POMGNT2: variants seen among roughly 807,000 people sequenced by gnomAD.
POMGNT2 encodes protein O-linked-mannose beta-1,4-N-acetylglucosaminyltransferase 2.
Under a neutral mutation model 37.8 loss-of-function variants are expected in POMGNT2, and 32 were observed. The ratio of observed to expected loss-of-function variants is 0.85; its 90% confidence interval spans 0.64 to 1.14. The LOEUF is 1.14. Ranked by LOEUF, POMGNT2 falls within the 50% of genes most tolerant of loss-of-function variation. The pLI, the probability that POMGNT2 is intolerant of heterozygous loss-of-function variation, is 0.00. For missense variants in POMGNT2, 705 were observed against 780.6 expected, an observed-to-expected ratio of 0.90 and a Z score of 1.15; for synonymous variants, 340 against 336.8, an observed-to-expected ratio of 1.01 and a Z score of -0.10.
intron 1 of POMGNT2, among the ~76,000 whole-genome samples, chr3:43,103,286 T>C (rs2090032795): frequency 6.6e-6 from 1 of 152,072 alleles, no homozygotes; most frequent in Admixed American, 6.5e-5. Context: ...TTCTCCTCCC[T>C]TATCCACAGC....
chr3:43,095,000 C>T (rs764617201), intron 1 of POMGNT2, among the ~76,000 whole-genome samples: 16 of 152,330 alleles, frequency 1.1e-4, no homozygotes, highest in South Asian at 6.2e-4. Context: ...GCTCCTGCTG[C>T]GTCTCAGTGC....
At chr3:43,089,856 G>T (rs192868843) in intron 1 of POMGNT2, among the ~76,000 whole-genome samples, 1 of 152,228 alleles carries the variant, frequency 6.6e-6, no homozygotes, top group East Asian at 1.9e-4. Context: ...TAAAGTCACA[G>T]CTATGTTGAG....
At chr3:43,096,434 A>G (rs567230810) in intron 1 of POMGNT2, among the ~76,000 whole-genome samples, 6 of 152,364 alleles carry the variant, frequency 3.9e-5, no homozygotes, top group Non-Finnish European at 5.9e-5. Context: ...TAAGAGGCTA[A>G]CACTATTTCT....
At chr3:43,096,258 C>A (rs2089979313) in intron 1 of POMGNT2, among the ~76,000 whole-genome samples, 1 of 152,134 alleles carries the variant, frequency 6.6e-6, no homozygotes, top group African/African-American at 2.4e-5. Context: ...ACCAAGGATC[C>A]AATCGGCACC....
Position 43,080,140 on chromosome 3 carries a change from A to G in POMGNT2, c.1292T>C (p.Val431Ala), listed in dbSNP as rs770918367. Residue 431 changes from valine (V) to alanine (A), a missense_variant, in exon 2 of 2, where the codon GTC becomes GCC. Val to Ala is a moderately conservative substitution (Grantham distance 64). Transcript: ENST00000344697. ...EQARILQSRE[V>A]PRHLCCRNPE... The stretch of plus-strand genomic sequence containing the variant: ...GTTCCGGCAACAGAGATGCCGTGGG[A>G]CCTCACGGCTTTGCAGGATACGGGC... The G allele has an allele frequency of 2.5e-6, 4 of 1,613,682 alleles. No individual in the cohort carries two copies. The highest frequency in any genetic ancestry group is 3.4e-6 in the Non-Finnish European group (4 of 1,179,900).
At chr3:43,083,386 C>T (rs1158771394) in intron 1 of POMGNT2, among the ~76,000 whole-genome samples, 2 of 152,216 alleles carry the variant, frequency 1.3e-5, no homozygotes, top group Non-Finnish European at 2.9e-5. Flanking sequence ...GGAGTAGTTG[C>T]TAAATAAAAA....
rs570045856 is a variant in POMGNT2, at chr3:43,103,615, G to A, written c.-106+2221C>T. Among the ~76,000 whole-genome samples, 34 of 152,246 alleles carry A rather than the reference G, an allele frequency of 2.2e-4. No homozygotes were observed. The South Asian group carries it at 6.8e-3, about 31-fold the overall frequency. On this transcript the variant is annotated intron_variant, in intron 1 of 1. Transcript: ENST00000344697. ...AGAGGAAACACACAGCCAGGCTGCA[G>A]GGTCCTGCCTCTGACCCACTTGGTG...
At chr3:43,086,096 T>G (rs534209057) in intron 1 of POMGNT2, among the ~76,000 whole-genome samples, 1 of 152,336 alleles carries the variant, frequency 6.6e-6, no homozygotes, top group African/African-American at 2.4e-5. Flanking sequence ...GAACCTGAGG[T>G]ATCCTTGGCA....
In POMGNT2 at chr3:43,092,783, TAAAAA is replaced by T. The variant is rs2089953429; in HGVS notation, c.-105-11252_-105-11248del. Among the ~76,000 whole-genome samples the T allele has an allele frequency of 4.6e-5, 7 of 152,230 alleles. No individual in the cohort carries two copies. The South Asian group carries it at 1.2e-3, about 27-fold the overall frequency. On this transcript the variant is annotated intron_variant, in intron 1 of 1. Transcript: ENST00000344697. ...TGTTTACTTGACAAAATAAATAAGT[TAAAAA>T]GGAAACAGTAAAGAATTAAAGAAAT...
At chr3:43,090,788 T>A (rs1353936756) in intron 1 of POMGNT2, among the ~76,000 whole-genome samples, 1 of 152,128 alleles carries the variant, frequency 6.6e-6, no homozygotes, top group Admixed American at 6.5e-5. Flanking sequence ...AGCTCAGATC[T>A]AGACCAGGGA....
At chr3:43,104,147 T>C (rs967305593) in intron 1 of POMGNT2, among the ~76,000 whole-genome samples, 1 of 152,144 alleles carries the variant, frequency 6.6e-6, no homozygotes, top group Non-Finnish European at 1.5e-5. Context: ...TACACAGCAA[T>C]TAAGTAGAGG....
At position 43,079,938 on chromosome 3, in the gene POMGNT2, G is replaced by A. The variant is rs751826847; in HGVS notation, c.1494C>T (p.Ser498=). 10 of 1,613,858 alleles carry A rather than the reference G, an allele frequency of 6.2e-6. No homozygotes were observed. The highest frequency in any genetic ancestry group is 4.5e-5 in the East Asian group (2 of 44,884). The change falls in exon 2 of 2, where the codon TCC becomes TCT. Residue 498 remains serine, a synonymous_variant. Coordinates refer to ENST00000344697, the MANE Select transcript of POMGNT2 (RefSeq NM_032806.6). ...GCCAGGAGACAGTGAGGCGGGCCTCGGAGGCGCCATGCACTGACGCCTGGC... is the reference window on the plus strand; with the variant it reads ...GCCAGGAGACAGTGAGGCGGGCCTCAGAGGCGCCATGCACTGACGCCTGGC... The part of the protein sequence containing the change: ...ARCQASVHGA[S]EARLTVSWQI...
At chr3:43,100,306 A>C (rs751368951) in intron 1 of POMGNT2, among the ~76,000 whole-genome samples, 3 of 152,270 alleles carry the variant, frequency 2.0e-5, no homozygotes, top group African/African-American at 4.8e-5. Flanking sequence ...ACAACTATTT[A>C]CATAGCATTT....
At chr3:43,087,683 T>G (rs1301123097) in intron 1 of POMGNT2, 1 of 152,242 alleles carries the variant, frequency 6.6e-6, no homozygotes, top group Non-Finnish European at 1.5e-5. Flanking sequence ...GCCAACTCCA[T>G]ACATTAGTTT....
chr3:43,101,498 T>C (rs541082347), intron 1 of POMGNT2, among the ~76,000 whole-genome samples: 17 of 152,294 alleles, frequency 1.1e-4, no homozygotes, highest in Admixed American at 9.8e-4. Flanking sequence ...GTTGTAGCAG[T>C]ATCACCTGGG....
At chr3:43,084,802 T>C (rs1575465293) in intron 1 of POMGNT2, among the ~76,000 whole-genome samples, 1 of 152,360 alleles carries the variant, frequency 6.6e-6, no homozygotes, top group East Asian at 1.9e-4. Flanking sequence ...TTATTCCTGA[T>C]TGAGCCCATT....
chr3:43,084,094 C>T (rs1468505312), intron 1 of POMGNT2, among the ~76,000 whole-genome samples: 1 of 152,128 alleles, frequency 6.6e-6, no homozygotes, highest in African/African-American at 2.4e-5. Context: ...TGCTACCCTT[C>T]GAATTGTTTT....
intron 1 of POMGNT2, among the ~76,000 whole-genome samples, chr3:43,086,673 C>G (rs552333221): frequency 6.6e-6 from 1 of 152,184 alleles, no homozygotes; most frequent in Non-Finnish European, 1.5e-5. Flanking sequence ...CTCTCTGGCT[C>G]CTGGGTGCCT....
At chr3:43,101,918 T>A (rs2090022263) in intron 1 of POMGNT2, among the ~76,000 whole-genome samples, 1 of 150,552 alleles carries the variant, frequency 6.6e-6, no homozygotes, top group East Asian at 2.0e-4. Context: ...GGTGTGGGAG[T>A]GGCAAGAAAC....
Sources: gnomAD v4.1 joint callset for allele counts (sites outside exome capture counted in the v4.1 genomes callset) on GRCh38, gnomAD v4.1.1 for gene constraint, MANE v1.5 for transcripts, NCBI Gene and HGNC (gene_info 2026-07-23, HGNC 2026-07-21) for gene names.